Variants in SLC26A7 observed in about 807,000 individuals in gnomAD.
The protein encoded by SLC26A7 is solute carrier family 26 member 7.
A neutral mutation model predicts 82.5 loss-of-function variants in SLC26A7; 59 were observed. The ratio of observed to expected loss-of-function variants is 0.72; its 90% CI spans 0.58 to 0.89. SLC26A7 has a LOEUF of 0.89. Ranked by LOEUF, SLC26A7 falls within the 40% of genes least tolerant of loss-of-function variation. The probability of loss-of-function intolerance (pLI) is 0.00; values close to 1 mark genes in which losing one functional copy is unlikely to be tolerated. For synonymous variants in SLC26A7, 271 were observed against 274.3 expected (o/e 0.99, Z 0.12); for missense variants, 820 against 793.0 (o/e 1.03, Z -0.41).
chr8:91,318,279 G>A lies in SLC26A7; in HGVS notation c.541G>A (p.Ala181Thr), dbSNP rs759179986. ...TFVVTEPVIS[A>T]MTTGAATHVV... ...TGTGGTCACAGAGCCTGTGATCAGC[G>A]CAATGACAACTGGGGCTGCCACCCA... Residue 181 changes from alanine (A) to threonine (T), a missense_variant, in exon 5 of 19, where the codon GCA becomes ACA. Physicochemically the swap from Ala to Thr is moderately conservative, Grantham distance 58. Coordinates refer to ENST00000276609, the MANE Select transcript of SLC26A7 (RefSeq NM_052832.4). 21 of 1,612,076 alleles carry A rather than the reference G, an allele frequency of 1.3e-5. No homozygotes were observed. The highest frequency in any genetic ancestry group is 1.1e-4 in the East Asian group (5 of 44,714).
chr8:91,346,573 A>G (rs1813570039), intron 9 of SLC26A7, among the ~76,000 whole-genome samples: 1 of 152,166 alleles, frequency 6.6e-6, no homozygotes, highest in Non-Finnish European at 1.5e-5. Flanking sequence ...ATCATCTTAC[A>G]CTTGTTAATG....
intron 2 of SLC26A7, among the ~76,000 whole-genome samples, chr8:91,278,291 G>T (rs558451706): frequency 1.3e-4 from 19 of 151,960 alleles, no homozygotes; most frequent in Non-Finnish European, 2.2e-4. Context: ...TTGCAGAGCT[G>T]CAAGAGACGG....
At chr8:91,305,875 T>C (rs925347593) in intron 4 of SLC26A7, among the ~76,000 whole-genome samples, 1 of 152,174 alleles carries the variant, frequency 6.6e-6, no homozygotes, top group Non-Finnish European at 1.5e-5. Flanking sequence ...ATTCCTGTTA[T>C]ACCAACACTT....
chr8:91,329,193 C>T (rs1422729102), intron 5 of SLC26A7, among the ~76,000 whole-genome samples: 1 of 152,014 alleles, frequency 6.6e-6, no homozygotes, highest in Admixed American at 6.6e-5. Flanking sequence ...TTAATATGTG[C>T]TTAGGATGCC....
intron 11 of SLC26A7, among the ~76,000 whole-genome samples, chr8:91,355,948 A>G (rs531782542): frequency 6.6e-6 from 1 of 152,140 alleles, no homozygotes; most frequent in South Asian, 2.1e-4. Context: ...TCATTGTTCA[A>G]TTCCCACCTA....
At chr8:91,366,321 A>C (rs1814190147) in intron 13 of SLC26A7, among the ~76,000 whole-genome samples, 1 of 152,190 alleles carries the variant, frequency 6.6e-6, no homozygotes, top group Non-Finnish European at 1.5e-5. Flanking sequence ...CTGCCTCCTG[A>C]AAAACCAGCT....
At chr8:91,225,561 A>ATT (rs893654824) in intron 2 of SLC26A7, among the ~76,000 whole-genome samples, 6 of 66,948 alleles carry the variant, frequency 9.0e-5, no homozygotes, top group East Asian at 9.3e-4. Flanking sequence ...GCTTATTATG[A>ATT]TTTTTTTTTT....
intron 2 of SLC26A7, among the ~76,000 whole-genome samples, chr8:91,233,387 CA>C (rs1211432319): frequency 9.2e-5 from 14 of 151,884 alleles, no homozygotes; most frequent in African/African-American, 3.4e-4. Flanking sequence ...ACTAACATGG[CA>C]AAACGCAGTC....
At chr8:91,209,697 A>G (rs1024591384) in intron 1 of SLC26A7, among the ~76,000 whole-genome samples, 4 of 152,304 alleles carry the variant, frequency 2.6e-5, no homozygotes, top group African/African-American at 7.2e-5. Flanking sequence ...GAAGAGTTTA[A>G]TGCTGTGATT....
chr8:91,347,169 A>G (rs918646516), intron 9 of SLC26A7, among the ~76,000 whole-genome samples: 8 of 152,204 alleles, frequency 5.3e-5, no homozygotes, highest in Admixed American at 2.0e-4. Flanking sequence ...TCCAATAACT[A>G]TAAAAGAAAA....
chr8:91,327,102 T>C (rs963039443), intron 5 of SLC26A7, among the ~76,000 whole-genome samples: 2 of 152,150 alleles, frequency 1.3e-5, no homozygotes, highest in Non-Finnish European at 2.9e-5. Context: ...GAGTTTAGAA[T>C]GTAGACTTTT....
At chr8:91,394,452 G>A (rs1808511332) in intron 18 of SLC26A7, 1 of 1,395,294 alleles carries the variant, frequency 7.2e-7, no homozygotes, top group Non-Finnish European at 9.3e-7. Context: ...GCCATCTTTG[G>A]AAATACTATT....
At chr8:91,368,633 C>G (rs1814266393) in intron 14 of SLC26A7, among the ~76,000 whole-genome samples, 1 of 151,980 alleles carries the variant, frequency 6.6e-6, no homozygotes, top group Admixed American at 6.6e-5. Context: ...CCGTGTTAGC[C>G]AGGATGGTCT....
intron 14 of SLC26A7, among the ~76,000 whole-genome samples, chr8:91,367,834 C>G (rs1347526053): frequency 1.3e-5 from 2 of 152,252 alleles, no homozygotes; most frequent in East Asian, 3.9e-4. Context: ...CTACTTATCC[C>G]CCAGTCATTT....
At chr8:91,270,391 A>G (rs1443415497) in intron 2 of SLC26A7, among the ~76,000 whole-genome samples, 1 of 152,168 alleles carries the variant, frequency 6.6e-6, no homozygotes, top group Non-Finnish European at 1.5e-5. Context: ...TACTGTGATC[A>G]TTGGAACTTA....
chr8:91,378,487 G>T (rs1411487218), intron 15 of SLC26A7, among the ~76,000 whole-genome samples: 1 of 145,846 alleles, frequency 6.9e-6, no homozygotes, highest in Non-Finnish European at 1.5e-5. Context: ...ATATTAAATT[G>T]ATATATTTAT....
At chr8:91,279,503 T>C (rs1283560021) in intron 2 of SLC26A7, among the ~76,000 whole-genome samples, 1 of 152,170 alleles carries the variant, frequency 6.6e-6, no homozygotes, top group Non-Finnish European at 1.5e-5. Flanking sequence ...GAGGTGAGGC[T>C]ATATCACATT....
chr8:91,318,290 T>C lies in SLC26A7; in HGVS notation c.552T>C (p.Thr184=). ...AGCCTGTGATCAGCGCAATGACAAC[T>C]GGGGCTGCCACCCATGTGGTGACTT... The part of the protein sequence containing the change: ...VTEPVISAMT[T]GAATHVVTSQ... The change falls in exon 5 of 19, where the codon ACT becomes ACC. Residue 184 remains threonine (T), a synonymous_variant. Coordinates refer to ENST00000276609, the MANE Select transcript of SLC26A7 (RefSeq NM_052832.4). 2 of 1,612,546 alleles carry C rather than the reference T, an allele frequency of 1.2e-6. No homozygotes were observed. The highest frequency in any genetic ancestry group is 1.7e-6 in the Non-Finnish European group (2 of 1,179,240).
intron 15 of SLC26A7, among the ~76,000 whole-genome samples, chr8:91,381,409 T>C (rs566398694): frequency 7.6e-4 from 116 of 152,302 alleles, no homozygotes; most frequent in African/African-American, 2.5e-3. Context: ...GCATCTCAGA[T>C]GTCAGCTTTT....
Sources: gnomAD v4.1 joint callset for allele counts (sites outside exome capture counted in the v4.1 genomes callset) on GRCh38, gnomAD v4.1.1 for gene constraint, MANE v1.5 for transcripts, NCBI Gene and HGNC (gene_info 2026-07-23, HGNC 2026-07-21) for gene names.